Variants in GRXCR1 observed in about 807,000 individuals in gnomAD.
GRXCR1 encodes glutaredoxin and cysteine rich domain containing 1.
GRXCR1 carries 27 observed loss-of-function variants against 27.3 expected under a neutral mutation model. That is an observed-to-expected ratio of 0.99 (90% CI 0.73 to 1.37). GRXCR1 has a LOEUF of 1.37. Among genes scored for constraint, GRXCR1 ranks in the 40% most tolerant of loss-of-function variants. GRXCR1 has a pLI of 0.00. For missense variants in GRXCR1, 379 were observed against 354.4 expected (o/e 1.07, Z -0.56); for synonymous variants, 122 against 131.1 (o/e 0.93, Z 0.47).
At chr4:42,907,541 A>G (rs1338161028) in intron 1 of GRXCR1, among the ~76,000 whole-genome samples, 2 of 152,124 alleles carry the variant, frequency 1.3e-5, no homozygotes, top group African/African-American at 4.8e-5. Context: ...AGCTCTGAGC[A>G]TTATGTCCTT....
intron 2 of GRXCR1, among the ~76,000 whole-genome samples, chr4:42,981,761 C>T (rs970690208): frequency 2.2e-4 from 34 of 152,160 alleles, no homozygotes; most frequent in African/African-American, 7.7e-4. Context: ...TCCCCACTCT[C>T]TCCTTGTCTT....
rs1238465149 is a variant in GRXCR1, at chr4:43,026,134, C to T, written c.694-4227C>T. ...AACTTCAGTTATTCAGTTATTCCTC[C>T]AACTCCAAACTTTGTCCGTGTTCTT... On this transcript the variant is annotated intron_variant, in intron 3 of 3. Coordinates refer to ENST00000399770, the MANE Select transcript of GRXCR1 (RefSeq NM_001080476.3). Among the ~76,000 whole-genome samples, 5 of 152,034 alleles carry T rather than the reference C, an allele frequency of 3.3e-5. No homozygotes were observed. The East Asian group carries it at 9.6e-4, about 29-fold the overall frequency.
Position 42,918,345 on chromosome 4 carries a change from G to A in GRXCR1, c.384+24695G>A, listed in dbSNP as rs759551740. On this transcript the variant is annotated intron_variant, in intron 1 of 3. Coordinates refer to ENST00000399770, the MANE Select transcript of GRXCR1 (RefSeq NM_001080476.3). ...AGGCCACTCTTACTAGCACTGTTGC[G>A]TTGGTGATTAAGTTTCCAACACATG... Among the ~76,000 whole-genome samples, 7 of 152,120 alleles carry A rather than the reference G, an allele frequency of 4.6e-5. No individual in the cohort carries two copies. In the East Asian group the frequency reaches 1.2e-3, roughly 25 times the overall value.
Position 42,963,059 on chromosome 4 carries a change from G to A in GRXCR1, c.552G>A (p.Glu184=). ...NIALNGEYGK[E]LDERCRRVSE... is the part of the protein sequence containing the mutation. ...CCCTGAATGGTGAATATGGAAAAGA[G>A]TTAGACGAACGATGCCGACGAGTTT... The change falls in exon 2 of 4, where the codon GAG becomes GAA. Residue 184 remains glutamate, a synonymous_variant. Coordinates refer to ENST00000399770, the MANE Select transcript of GRXCR1 (RefSeq NM_001080476.3). 6.2e-7 allele frequency: 1 copy of A among 1,612,838 alleles called. No individual in the cohort carries two copies. Among genetic ancestry groups the A allele is most frequent in the Middle Eastern group, 1.7e-4 (1 of 6,046 alleles).
intron 2 of GRXCR1, among the ~76,000 whole-genome samples, chr4:43,017,267 C>T (rs1355872081): frequency 3.3e-5 from 5 of 152,126 alleles, no homozygotes; most frequent in African/African-American, 9.7e-5. Context: ...CTCTCATATA[C>T]CCCAGACTAG....
chr4:42,893,682 T>C, intron 1 of GRXCR1, 32 bp downstream of exon 1: 1 of 1,605,306 alleles, frequency 6.2e-7, no homozygotes, highest in Non-Finnish European at 8.5e-7. Context: ...CTCCTGCTCT[T>C]TGTTCCTAAC....
At chr4:43,024,307 A>G (rs1713187221) in intron 3 of GRXCR1, among the ~76,000 whole-genome samples, 1 of 146,504 alleles carries the variant, frequency 6.8e-6, no homozygotes, top group Non-Finnish European at 1.5e-5. Flanking sequence ...ATTCCCGGCT[A>G]CACACTTAGT....
intron 1 of GRXCR1, among the ~76,000 whole-genome samples, chr4:42,962,291 A>T (rs533804750): frequency 4.6e-5 from 7 of 152,060 alleles, no homozygotes; most frequent in African/African-American, 1.4e-4. Flanking sequence ...CCATTCTGGA[A>T]CATTTAATTG....
intron 2 of GRXCR1, among the ~76,000 whole-genome samples, chr4:43,000,986 G>A (rs1423500965): frequency 6.6e-6 from 1 of 152,118 alleles, no homozygotes; most frequent in Non-Finnish European, 1.5e-5. Context: ...GAGTACAGTG[G>A]TGCTATCTCG....
chr4:42,897,526 G>T (rs1198730068), intron 1 of GRXCR1, among the ~76,000 whole-genome samples: 1 of 151,986 alleles, frequency 6.6e-6, no homozygotes, highest in African/African-American at 2.4e-5. Context: ...TATGTACATG[G>T]ATATTTCCGG....
At chr4:42,972,745 A>G (rs1489900870) in intron 2 of GRXCR1, among the ~76,000 whole-genome samples, 1 of 152,150 alleles carries the variant, frequency 6.6e-6, no homozygotes, top group Non-Finnish European at 1.5e-5. Context: ...TCATCTTCAG[A>G]TCACAATGGG....
intron 1 of GRXCR1, among the ~76,000 whole-genome samples, chr4:42,949,668 C>T (rs1237022321): frequency 6.6e-6 from 1 of 152,144 alleles, no homozygotes; most frequent in Admixed American, 6.6e-5. Flanking sequence ...TATTAGCTTT[C>T]TGCACCAACC....
At chr4:42,922,633 G>A (rs566192860) in intron 1 of GRXCR1, among the ~76,000 whole-genome samples, 2 of 152,190 alleles carry the variant, frequency 1.3e-5, no homozygotes, top group African/African-American at 2.4e-5. Flanking sequence ...GTAGGTTAAA[G>A]GTATTGGCCC....
At chr4:42,897,238 A>C (rs1247345392) in intron 1 of GRXCR1, among the ~76,000 whole-genome samples, 3 of 151,896 alleles carry the variant, frequency 2.0e-5, no homozygotes, top group African/African-American at 7.2e-5. Context: ...TGGGTCAATG[A>C]TGCAGATAAT....
intron 3 of GRXCR1, among the ~76,000 whole-genome samples, chr4:43,023,238 C>A (rs10938230): frequency 0.23 from 35,407 of 152,016 alleles, 4,422 homozygotes; most frequent in Admixed American, 0.29. Flanking sequence ...CATATCCTGG[C>A]AAGTTCTAGT....
At chr4:43,001,263 C>A (rs1248990429) in intron 2 of GRXCR1, among the ~76,000 whole-genome samples, 1 of 151,988 alleles carries the variant, frequency 6.6e-6, no homozygotes, top group Non-Finnish European at 1.5e-5. Flanking sequence ...CTACTTTGCT[C>A]TTTTGCTTGT....
chr4:42,974,246 G>T (rs989595764), intron 2 of GRXCR1, among the ~76,000 whole-genome samples: 1 of 152,068 alleles, frequency 6.6e-6, no homozygotes, highest in African/African-American at 2.4e-5. Flanking sequence ...TAGGAGGGAT[G>T]AAATCATCAA....
intron 2 of GRXCR1, among the ~76,000 whole-genome samples, chr4:42,981,338 T>A (rs1410297573): frequency 1.3e-5 from 2 of 152,136 alleles, no homozygotes; most frequent in Non-Finnish European, 2.9e-5. Context: ...TACTCCACAA[T>A]GTGCCCCCCC....
chr4:42,997,979 C>A (rs1712228121), intron 2 of GRXCR1, among the ~76,000 whole-genome samples: 1 of 152,154 alleles, frequency 6.6e-6, no homozygotes. Context: ...AATAATAAAA[C>A]CTACATTTTA....
Sources: allele counts gnomAD v4.1 joint callset (sites outside exome capture counted in the v4.1 genomes callset), GRCh38; gene constraint gnomAD v4.1.1; transcripts MANE v1.5; gene names NCBI Gene and HGNC (gene_info 2026-07-23, HGNC 2026-07-21).